The following TTN variants were observed in gnomAD, a reference collection of about 807,000 sequenced individuals.
TTN encodes titin.
In TTN, 1,525 loss-of-function variants were observed where a neutral mutation model predicts 3,223.0. That is an observed-to-expected ratio of 0.47 (90% CI 0.45 to 0.49). The LOEUF is 0.49. Among genes scored for constraint, TTN ranks in the 20% least tolerant of loss-of-function variants. TTN has a pLI of 0.00. For synonymous variants in TTN, 14,094 were observed against 15,161.0 expected, an observed-to-expected ratio of 0.93 and a Z score of 5.17; for missense variants, 40,786 against 43,424.0, an observed-to-expected ratio of 0.94 and a Z score of 5.40.
At position 178,739,405 on chromosome 2, in the gene TTN, T is replaced by C. The variant is rs756313556; in HGVS notation, c.13828A>G (p.Thr4610Ala). Reference protein sequence around the residue: ...LIKEDGPMIHTPLVDTVSEEG... With the variant: ...LIKEDGPMIHAPLVDTVSEEG... ...TCAGAAACAGTGTCCACTAAAGGTGTATGTATCATGGGGCCATCCTCTTTG... is the reference window on the plus strand; with the variant it reads ...TCAGAAACAGTGTCCACTAAAGGTGCATGTATCATGGGGCCATCCTCTTTG... The change falls in exon 48 of 363, where the codon ACA (threonine) becomes GCA (alanine). Residue 4610 changes from threonine to alanine, a missense_variant. Coordinates refer to ENST00000589042, the MANE Select transcript of TTN (RefSeq NM_001267550.2). 6.2e-7 allele frequency: 1 copy of C among 1,613,876 alleles called. No individual in the cohort carries two copies. The highest frequency in any genetic ancestry group is 8.5e-7 in the Non-Finnish European group (1 of 1,179,822).
chr2:178,766,365 A>G lies in TTN; in HGVS notation c.9703+16T>C, dbSNP rs760375182. The G allele has an allele frequency of 2.3e-5, 36 of 1,572,224 alleles. No homozygotes were observed. The highest frequency in any genetic ancestry group is 3.2e-5 in the Non-Finnish European group (36 of 1,141,996). On this transcript the variant is annotated intron_variant, in intron 41 of 362. Coordinates refer to ENST00000589042, the MANE Select transcript of TTN (RefSeq NM_001267550.2). The stretch of plus-strand genomic sequence containing the variant: ...TGATGGATCCACAAAATATGCTGAA[A>G]TCTGTCCCTACATACCATTGACATA...
At position 178,784,318 on chromosome 2, in the gene TTN, G is replaced by T; in HGVS notation, c.2527C>A (p.Gln843Lys). Residue 843 changes from glutamine to lysine, a missense_variant, in exon 16 of 363, where the codon CAA becomes AAA. Gln to Lys is a moderately conservative substitution (Grantham distance 53). Coordinates refer to ENST00000589042, the MANE Select transcript of TTN (RefSeq NM_001267550.2). ...SIAGSAIATL[Q>K]KELSATSSAQ... ...GAAGATGTGGCTGACAACTCTTTTT[G>T]TAATGTGGCAATAGCACTACCGGCT... is the stretch of plus-strand genomic sequence containing the variant. 6.2e-7 allele frequency: 1 copy of T among 1,614,074 alleles called. No homozygotes were observed. Among genetic ancestry groups the T allele is most frequent in the Non-Finnish European group, 8.5e-7 (1 of 1,179,980 alleles).
chr2:178,728,597 T>A lies in TTN; in HGVS notation c.19329A>T (p.Arg6443Ser), dbSNP rs1217984218. ...TGTCCTGCTTCATTACTGACTGAAT[T>A]CTAAAACTGGCCACGTTATTTTCAA... ...MSFENNVASF[R>S]IQSVMKQDSG... The change falls in exon 66 of 363, where the codon AGA becomes AGT. Residue 6443 changes from arginine to serine, a missense_variant. Transcript: ENST00000589042. The A allele has an allele frequency of 6.2e-7, 1 of 1,613,254 alleles. No individual in the cohort carries two copies. The highest frequency in any genetic ancestry group is 8.5e-7 in the Non-Finnish European group (1 of 1,179,560).
chr2:178,557,180 T>A (rs758516303), intron 329 of TTN, 36 bp from the exon 330 acceptor site: 3 of 1,612,460 alleles, frequency 1.9e-6, no homozygotes, highest in East Asian at 4.5e-5. Flanking sequence ...GCGGCACTTA[T>A]AATATTTTGC....
rs746364765 is a variant in TTN, at chr2:178,584,756, C to T, written c.64885G>A (p.Glu21629Lys). The change falls in exon 310 of 363, where the codon GAG (glutamate) becomes AAG (lysine). Residue 21629 changes from glutamate to lysine, a missense_variant. Transcript: ENST00000589042. ...CRVGKLIPGQ[E>K]YIFRVRAENR... is the part of the protein sequence containing the mutation. Reference sequence around the variant, plus strand: ...TCAGCACGGACCCGGAAGATGTACTCCTGGCCTGGGATCAGCTTTCCAACC... The same window carrying T: ...TCAGCACGGACCCGGAAGATGTACTTCTGGCCTGGGATCAGCTTTCCAACC... 1.8e-5 allele frequency: 29 copies of T among 1,613,360 alleles called. No homozygotes were observed. In the Admixed American group the frequency reaches 4.2e-4, roughly 23 times the overall value.
chr2:178,796,084 T>A (rs566887631), intron 6 of TTN, among the ~76,000 whole-genome samples: 4 of 152,328 alleles, frequency 2.6e-5, no homozygotes, highest in Non-Finnish European at 4.4e-5. Flanking sequence ...TTTAGGTGTA[T>A]CCAAAGTGCA....
rs753966975 is a variant in TTN, at chr2:178,552,195, A to G, written c.90705T>C (p.Asp30235=). The change falls in exon 335 of 363, where the codon GAT becomes GAC. Residue 30235 remains aspartate, a synonymous_variant. Coordinates refer to ENST00000589042, the MANE Select transcript of TTN (RefSeq NM_001267550.2). The part of the protein sequence containing the change: ...PSKPKGPIRF[D]EIKADSVILS... ...GGATGACACTATCAGCCTTGATTTC[A>G]TCAAATCGAATGGGTCCTTTGGGCT... 6.2e-7 allele frequency: 1 copy of G among 1,613,650 alleles called. No homozygotes were observed. The highest frequency in any genetic ancestry group is 2.2e-5 in the East Asian group (1 of 44,862).
rs752474284 is a variant in TTN, at chr2:178,695,324, A to G, written c.31270+24T>C. On this transcript the variant is annotated intron_variant, in intron 115 of 362. Coordinates refer to ENST00000589042, the MANE Select transcript of TTN (RefSeq NM_001267550.2). ...GATAATGATGTTGATGCTCTAGTCT[A>G]TTTAAATATTTCTAATTACTTACCT... The G allele has an allele frequency of 5.0e-6, 8 of 1,594,246 alleles. No individual in the cohort carries two copies. The Admixed American group carries it at 8.4e-5, about 17-fold the overall frequency.
chr2:178,800,459 G>T lies in TTN; in HGVS notation c.519C>A (p.Thr173=), dbSNP rs1395926564. 1 of 1,614,144 alleles carries T rather than the reference G, an allele frequency of 6.2e-7. No individual in the cohort carries two copies. The highest frequency in any genetic ancestry group is 1.1e-5 in the South Asian group (1 of 91,090). Residue 173 remains threonine, a synonymous_variant, in exon 4 of 363, where the codon ACC becomes ACA. Transcript: ENST00000589042. ...CGCTATTGGTGGCATTTACTGAATAGGTCCCTGAGTCCTCAGGGTATGCTT... is the reference window on the plus strand; with the variant it reads ...CGCTATTGGTGGCATTTACTGAATATGTCCCTGAGTCCTCAGGGTATGCTT... ...IAEAYPEDSG[T]YSVNATNSVG...
Position 178,652,613 on chromosome 2 carries a change from A to G in TTN, c.39043+40T>C, listed in dbSNP as rs755329534. The G allele has an allele frequency of 1.2e-5, 19 of 1,612,256 alleles. 1 individual carries two copies. In the South Asian group the frequency reaches 2.1e-4, roughly 18 times the overall value. ...TAGGAAAAATATTTTCAAGAGTAGA[A>G]GAGATAGATCTTCTGACGCTTAAAC... On this transcript the variant is annotated intron_variant, in intron 201 of 362. Coordinates refer to ENST00000589042, the MANE Select transcript of TTN (RefSeq NM_001267550.2).
At chr2:178,675,886 A>G (rs954235670) in intron 148 of TTN, 35 bp downstream of exon 148, 2 of 1,588,740 alleles carry the variant, frequency 1.3e-6, no homozygotes, top group Admixed American at 1.8e-5. Flanking sequence ...AAGGAAGGAA[A>G]TGGCATAGTC....
In TTN at chr2:178,559,393, A is replaced by G. The variant is rs753808459; in HGVS notation, c.86739T>C (p.Ala28913=). The G allele has an allele frequency of 1.9e-6, 3 of 1,613,742 alleles. No individual in the cohort carries two copies. Among genetic ancestry groups the G allele is most frequent in the Admixed American group, 3.3e-5 (2 of 60,010 alleles). The change falls in exon 326 of 363, where the codon GCT becomes GCC. Residue 28913 remains alanine (A), a synonymous_variant. Transcript: ENST00000589042. ...SYKVTNLQEG[A]IYYFRVSGEN... ...CTCCAGAGACTCTGAAGTAATAGATAGCTCCTTCTTGTAAATTGGTAACTT... is the reference window on the plus strand; with the variant it reads ...CTCCAGAGACTCTGAAGTAATAGATGGCTCCTTCTTGTAAATTGGTAACTT...
Position 178,773,387 on chromosome 2 carries a change from T to C in TTN, c.7595-18A>G. 6.2e-7 allele frequency: 1 copy of C among 1,613,914 alleles called. No individual in the cohort carries two copies. Among genetic ancestry groups the C allele is most frequent in the Non-Finnish European group, 8.5e-7 (1 of 1,179,926 alleles). On this transcript the variant is annotated intron_variant, in intron 32 of 362. Transcript: ENST00000589042. ...TTTAATTTCTGGGGAAAAAATAAAA[T>C]AATCTCTTGGTTATTGTTACACTGG...
Position 178,636,257 on chromosome 2 carries a change from G to A in TTN, c.41330-16C>T. 1 of 1,504,404 alleles carries A rather than the reference G, an allele frequency of 6.6e-7. No individual in the cohort carries two copies. The highest frequency in any genetic ancestry group is 8.9e-7 in the Non-Finnish European group (1 of 1,127,714). The allele number at this position is 1,504,404 out of a possible 1,614,324, so 93.2% of individuals were successfully genotyped here. ...ACAGGAAGTTCTATGGAGAATTTCA[G>A]TATATATTTCAATAAATACAATATT... On this transcript the variant is annotated splice_polypyrimidine_tract_variant and intron_variant, in intron 225 of 362. Coordinates refer to ENST00000589042, the MANE Select transcript of TTN (RefSeq NM_001267550.2). The surrounding 1 kb of genome is among the most constrained non-coding windows in gnomAD (Gnocchi z 4.3).
chr2:178,731,669 T>G, intron 58 of TTN, 24 bp downstream of exon 58: 1 of 1,589,740 alleles, frequency 6.3e-7, no homozygotes, highest in Non-Finnish European at 8.6e-7. Context: ...GAAAAGCCAG[T>G]CCCTCACTGG....
rs1446993839 is a variant in TTN, at chr2:178,614,745, C to T, written c.48769G>A (p.Glu16257Lys). 38 of 1,606,250 alleles carry T rather than the reference C, an allele frequency of 2.4e-5. No homozygotes were observed. The highest frequency in any genetic ancestry group is 3.1e-5 in the Non-Finnish European group (37 of 1,176,250). Reference protein sequence around the residue: ...IQAVDTQEAPEIFLDVKLLAG... With the variant: ...IQAVDTQEAPKIFLDVKLLAG... ...AGGAGCTTCACATCGAGGAAGATTT[C>T]TGGGGCCTCTGAATTGGAAAAGATT... Residue 16257 changes from glutamate to lysine, a missense_variant, in exon 261 of 363, where the codon GAA (glutamate) becomes AAA (lysine). By Grantham distance (56) the Glu-to-Lys change is moderately conservative. Coordinates refer to ENST00000589042, the MANE Select transcript of TTN (RefSeq NM_001267550.2).
At position 178,681,645 on chromosome 2, in the gene TTN, G is replaced by A. The variant is rs2069425397; in HGVS notation, c.33172+16C>T. ...ACAAAGATCTCTTACAGGTAATAAT[G>A]TTTTTTTCACTCTACCTTTAGCCGG... is the stretch of plus-strand genomic sequence containing the variant. On this transcript the variant is annotated intron_variant, in intron 136 of 362. Coordinates refer to ENST00000589042, the MANE Select transcript of TTN (RefSeq NM_001267550.2). The A allele has an allele frequency of 6.3e-7, 1 of 1,599,632 alleles. No individual in the cohort carries two copies. The highest frequency in any genetic ancestry group is 8.5e-7 in the Non-Finnish European group (1 of 1,175,162).
chr2:178,794,418 A>T lies in TTN; in HGVS notation c.1379T>A (p.Ile460Asn). Residue 460 changes from isoleucine to asparagine, a missense_variant, in exon 8 of 363, where the codon ATC becomes AAC. Ile to Asn is a moderately radical substitution (Grantham distance 149). Coordinates refer to ENST00000589042, the MANE Select transcript of TTN (RefSeq NM_001267550.2). ...AQRTTTTAVH[I>N]QPAQEQVRKE... is the part of the protein sequence containing the mutation. The stretch of plus-strand genomic sequence containing the variant: ...ACGTACCTGTTCTTGAGCAGGTTGG[A>T]TGTGCACAGCAGTCGTGGTTGTCCT... 6.2e-7 allele frequency: 1 copy of T among 1,614,166 alleles called. No individual in the cohort carries two copies. Among genetic ancestry groups the T allele is most frequent in the Non-Finnish European group, 8.5e-7 (1 of 1,180,016 alleles).
At chr2:178,754,482 G>A (rs922503339) in intron 46 of TTN, among the ~76,000 whole-genome samples, 3 of 152,032 alleles carry the variant, frequency 2.0e-5, no homozygotes, top group Admixed American at 2.0e-4. Context: ...CAAAAGAGCC[G>A]AGTTCAAATC....
Sources: allele counts gnomAD v4.1 joint callset (sites outside exome capture counted in the v4.1 genomes callset), GRCh38; gene constraint gnomAD v4.1.1; non-coding constraint Gnocchi (gnomAD v3.1); transcripts MANE v1.5; gene names NCBI Gene and HGNC (gene_info 2026-07-23, HGNC 2026-07-21).